ADARB2: variants seen among roughly 807,000 people sequenced by gnomAD.
The protein encoded by ADARB2 is adenosine deaminase RNA specific B2 (inactive), also known as inactive double-stranded RNA-specific editase B2.
In ADARB2, 25 loss-of-function variants were observed where a neutral mutation model predicts 62.2. That is an observed-to-expected ratio of 0.40 (90% CI 0.29 to 0.56). ADARB2 has a LOEUF of 0.56. Ranked by LOEUF, ADARB2 falls within the 20% of genes least tolerant of loss-of-function variation. ADARB2 has a pLI of 0.43. For missense variants in ADARB2, 1,071 were observed against 1,077.4 expected, an observed-to-expected ratio of 0.99 and a Z score of 0.08; for synonymous variants, 572 against 500.8, an observed-to-expected ratio of 1.14 and a Z score of -1.90.
intron 1 of ADARB2, among the ~76,000 whole-genome samples, chr10:1,459,201 A>G (rs1831135638): frequency 1.3e-5 from 2 of 152,214 alleles, no homozygotes; most frequent in Admixed American, 6.5e-5. Context: ...AGTATAAATC[A>G]TCTATCATAA....
intron 1 of ADARB2, among the ~76,000 whole-genome samples, chr10:1,551,887 G>A (rs1171221278): frequency 6.6e-6 from 1 of 152,222 alleles, no homozygotes; most frequent in African/African-American, 2.4e-5. Flanking sequence ...TGCTGGGAAA[G>A]GCAGACAGAA....
intron 1 of ADARB2, among the ~76,000 whole-genome samples, chr10:1,711,211 A>T (rs1834945541): frequency 6.6e-6 from 1 of 152,104 alleles, no homozygotes; most frequent in Non-Finnish European, 1.5e-5. Flanking sequence ...GCCAGTGGGG[A>T]GCTGACTTAC....
chr10:1,717,078 TCA>T (rs1336601559), intron 1 of ADARB2, among the ~76,000 whole-genome samples: 86 of 149,556 alleles, frequency 5.8e-4, no homozygotes, highest in Non-Finnish European at 1.1e-3. Context: ...GTTATTCTGA[TCA>T]CATGTTATTC....
chr10:1,419,103 T>TTTC (rs1832831486), intron 1 of ADARB2, among the ~76,000 whole-genome samples: 1 of 152,190 alleles, frequency 6.6e-6, no homozygotes, highest in African/African-American at 2.4e-5. Flanking sequence ...TGTCTTTTTT[T>TTTC]TCTTTTTGAG....
At chr10:1,663,387 C>A (rs181302825) in intron 1 of ADARB2, among the ~76,000 whole-genome samples, 1 of 152,144 alleles carries the variant, frequency 6.6e-6, no homozygotes, top group Non-Finnish European at 1.5e-5. Context: ...TGCTACAGAG[C>A]GCTGCTACAG....
chr10:1,548,500 AC>A (rs769275588), intron 1 of ADARB2, among the ~76,000 whole-genome samples: 6 of 152,176 alleles, frequency 3.9e-5, no homozygotes, highest in Non-Finnish European at 8.8e-5. Context: ...GTGATGACAA[AC>A]TAAGTTTCAC....
At chr10:1,271,803 T>C (rs1831266019) in intron 3 of ADARB2, among the ~76,000 whole-genome samples, 1 of 152,186 alleles carries the variant, frequency 6.6e-6, no homozygotes, top group African/African-American at 2.4e-5. Flanking sequence ...GCACTGCCCT[T>C]TCCTTGACAT....
intron 1 of ADARB2, among the ~76,000 whole-genome samples, chr10:1,514,983 G>C (rs1379240153): frequency 2.0e-5 from 3 of 151,772 alleles, no homozygotes; most frequent in African/African-American, 7.3e-5. Context: ...GAAAGAGACA[G>C]TAAAATGGAA....
intron 1 of ADARB2, among the ~76,000 whole-genome samples, chr10:1,469,479 C>T (rs12761602): frequency 0.11 from 17,109 of 152,222 alleles, 1,028 homozygotes; most frequent in Middle Eastern, 0.21. Flanking sequence ...TTATCACATT[C>T]TTAATACCAA....
chr10:1,322,266 A>G (rs1485494644), intron 3 of ADARB2, among the ~76,000 whole-genome samples: 1 of 152,114 alleles, frequency 6.6e-6, no homozygotes, highest in Non-Finnish European at 1.5e-5. Flanking sequence ...CTTGGGAACT[A>G]TTTTGTCTTT....
At chr10:1,566,470 C>G (rs771003459) in intron 1 of ADARB2, among the ~76,000 whole-genome samples, 2 of 152,210 alleles carry the variant, frequency 1.3e-5, no homozygotes, top group Non-Finnish European at 2.9e-5. Context: ...ATTGCTTTCC[C>G]TCAATAGCTG....
intron 3 of ADARB2, among the ~76,000 whole-genome samples, chr10:1,295,291 C>G (rs1345309782): frequency 6.6e-6 from 1 of 152,130 alleles, no homozygotes; most frequent in African/African-American, 2.4e-5. Context: ...AAATGACCTT[C>G]AAGGTGCTGC....
chr10:1,485,531 C>T (rs556905016), intron 1 of ADARB2, among the ~76,000 whole-genome samples: 23 of 152,242 alleles, frequency 1.5e-4, no homozygotes, highest in Admixed American at 1.4e-3. Context: ...AGTCTCTGGC[C>T]GCTGCCCACT....
chr10:1,395,273 G>A (rs1479611337), intron 1 of ADARB2, among the ~76,000 whole-genome samples: 1 of 152,204 alleles, frequency 6.6e-6, no homozygotes, highest in Admixed American at 6.5e-5. Context: ...TTGAATCGAA[G>A]CCTAATGCAC....
At chr10:1,614,770 G>A (rs1028637349) in intron 1 of ADARB2, among the ~76,000 whole-genome samples, 5 of 152,170 alleles carry the variant, frequency 3.3e-5, no homozygotes, top group African/African-American at 1.2e-4. Context: ...AATTAGCCGG[G>A]TGTGGTGGCG....
At chr10:1,446,721 T>C (rs1040059893) in intron 1 of ADARB2, among the ~76,000 whole-genome samples, 1 of 152,240 alleles carries the variant, frequency 6.6e-6, no homozygotes, top group Non-Finnish European at 1.5e-5. Context: ...TCTCTTACAG[T>C]GTTCTCGTGA....
At chr10:1,383,180 A>G (rs1832498949) in intron 1 of ADARB2, among the ~76,000 whole-genome samples, 1 of 152,112 alleles carries the variant, frequency 6.6e-6, no homozygotes, top group South Asian at 2.1e-4. Context: ...CTTGCCTGGA[A>G]CCACGTGCAG....
intron 1 of ADARB2, among the ~76,000 whole-genome samples, chr10:1,619,681 A>T (rs1401397982): frequency 3.9e-4 from 60 of 152,102 alleles, no homozygotes; most frequent in Non-Finnish European, 7.3e-5. Context: ...CAATATCTTG[A>T]CCTAGAGATC....
Position 1,426,972 on chromosome 10 carries a change from G to T in ADARB2, c.101-47812C>A, listed in dbSNP as rs1832898333. On this transcript the variant is annotated intron_variant, in intron 1 of 9. Transcript: ENST00000381312. The surrounding 1 kb of genome is among the most constrained non-coding windows in gnomAD (Gnocchi z 4.1). The stretch of plus-strand genomic sequence containing the variant: ...GAAGAGGCCACAGAGCTATGTGTCG[G>T]CCCCACGCTTGGGCAGACCACTGCA... 6.6e-6 allele frequency among the ~76,000 whole-genome samples: 1 copy of T among 152,266 alleles called. No individual in the cohort carries two copies. The highest frequency in any genetic ancestry group is 2.4e-5 in the African/African-American group (1 of 41,468).
Sources: allele counts gnomAD v4.1 joint callset (sites outside exome capture counted in the v4.1 genomes callset), GRCh38; gene constraint gnomAD v4.1.1; non-coding constraint Gnocchi (gnomAD v3.1); transcripts MANE v1.5; gene names NCBI Gene and HGNC (gene_info 2026-07-23, HGNC 2026-07-21).